Variants in BNC2 observed in about 807,000 individuals in gnomAD.
BNC2 encodes the protein zinc finger protein basonuclin-2.
A neutral mutation model predicts 76.3 loss-of-function variants in BNC2; 20 were observed. The observed-to-expected ratio is 0.26, with a 90% CI of 0.18 to 0.38. The LOEUF (loss-of-function observed/expected upper bound fraction) is 0.38. BNC2 is among the 10% of genes least tolerant of loss of function. The probability of loss-of-function intolerance (pLI) is 1.00; values close to 1 mark genes in which losing one functional copy is unlikely to be tolerated. For synonymous variants in BNC2, 582 were observed against 514.8 expected, an observed-to-expected ratio of 1.13 and a Z score of -1.77; for missense variants, 1,382 against 1,399.8, an observed-to-expected ratio of 0.99 and a Z score of 0.20.
chr9:16,740,234 G>A (rs896133739), intron 1 of BNC2, among the ~76,000 whole-genome samples: 11 of 152,176 alleles, frequency 7.2e-5, no homozygotes, highest in African/African-American at 2.7e-4. Context: ...GAAATAGTAA[G>A]TAGAAGCAAA....
At chr9:16,688,671 A>G (rs1823052159) in intron 3 of BNC2, among the ~76,000 whole-genome samples, 1 of 152,256 alleles carries the variant, frequency 6.6e-6, no homozygotes, top group African/African-American at 2.4e-5. Context: ...TTGCTTTAAA[A>G]GTAATAAAAT....
chr9:16,773,298 A>T (rs376350664), intron 1 of BNC2, among the ~76,000 whole-genome samples: 16 of 152,192 alleles, frequency 1.1e-4, no homozygotes, highest in African/African-American at 3.6e-4. Flanking sequence ...TGCAATATCA[A>T]TGAAAGGATT....
chr9:16,662,340 G>A (rs1204367315), intron 3 of BNC2, among the ~76,000 whole-genome samples: 2 of 152,080 alleles, frequency 1.3e-5, no homozygotes, highest in Admixed American at 6.5e-5. Context: ...ACACCACATC[G>A]CCAATACTTT....
At chr9:16,761,208 A>C (rs1434295030) in intron 1 of BNC2, among the ~76,000 whole-genome samples, 1 of 152,200 alleles carries the variant, frequency 6.6e-6, no homozygotes, top group African/African-American at 2.4e-5. Context: ...TGATTGTGCC[A>C]CTGCACTCCA....
chr9:16,427,225 C>T (rs767449188), intron 6 of BNC2, among the ~76,000 whole-genome samples: 2 of 152,206 alleles, frequency 1.3e-5, no homozygotes, highest in Non-Finnish European at 2.9e-5. Flanking sequence ...ATTCTCAATG[C>T]AAACTGCCAC....
intron 6 of BNC2, among the ~76,000 whole-genome samples, chr9:16,425,090 T>C (rs1383353023): frequency 6.6e-6 from 1 of 152,158 alleles, no homozygotes; most frequent in African/African-American, 2.4e-5. Context: ...AGGAAGTACA[T>C]ATTAAATGCA....
At chr9:16,761,184 G>A (rs979161412) in intron 1 of BNC2, among the ~76,000 whole-genome samples, 1 of 152,112 alleles carries the variant, frequency 6.6e-6, no homozygotes, top group Non-Finnish European at 1.5e-5. Flanking sequence ...GGAGGTTAAG[G>A]TTGCAGTGAG....
At chr9:16,732,265 G>T (rs942236641) in intron 2 of BNC2, among the ~76,000 whole-genome samples, 1 of 151,958 alleles carries the variant, frequency 6.6e-6, no homozygotes, top group Non-Finnish European at 1.5e-5. Context: ...TGTTTTGCAT[G>T]TATGTTTGTA....
intron 5 of BNC2, among the ~76,000 whole-genome samples, chr9:16,472,585 C>T (rs1785477297): frequency 6.6e-6 from 1 of 152,182 alleles, no homozygotes; most frequent in Non-Finnish European, 1.5e-5. Context: ...AGTCCTAAAC[C>T]AGCCTCTTAG....
chr9:16,856,430 C>T (rs558287344), intron 1 of BNC2, among the ~76,000 whole-genome samples: 57 of 152,190 alleles, frequency 3.7e-4, no homozygotes, highest in South Asian at 2.1e-4. Flanking sequence ...ATTCTTGAAG[C>T]GAAAATATTT....
chr9:16,699,207 T>G (rs1477136972), intron 3 of BNC2: 1 of 471,070 alleles, frequency 2.1e-6, no homozygotes. Context: ...CTACAAACTG[T>G]CATCCCCACT....
At chr9:16,528,611 A>G (rs915635946) in intron 5 of BNC2, among the ~76,000 whole-genome samples, 2 of 152,224 alleles carry the variant, frequency 1.3e-5, no homozygotes, top group Admixed American at 6.5e-5. Flanking sequence ...AGAAGTACCT[A>G]CATAATGACC....
chr9:16,764,181 T>G (rs1825628870), intron 1 of BNC2, among the ~76,000 whole-genome samples: 1 of 152,232 alleles, frequency 6.6e-6, no homozygotes, highest in Non-Finnish European at 1.5e-5. Context: ...TCACTGCCAG[T>G]AATTGCTTCC....
chr9:16,689,724 A>C (rs1356808306), intron 3 of BNC2, among the ~76,000 whole-genome samples: 1 of 152,208 alleles, frequency 6.6e-6, no homozygotes, highest in African/African-American at 2.4e-5. Context: ...GCTAGGTACA[A>C]GCACTGCCGG....
intron 4 of BNC2, 121 bp from the exon 5 acceptor site, chr9:16,552,886 G>T: frequency 2.6e-6 from 2 of 767,342 alleles, no homozygotes; most frequent in Non-Finnish European, 4.5e-6. Context: ...ATGAATGTTC[G>T]CCATAGGTGT....
intron 6 of BNC2, among the ~76,000 whole-genome samples, chr9:16,431,143 G>A (rs1820900420): frequency 6.6e-6 from 1 of 152,126 alleles, no homozygotes; most frequent in Admixed American, 6.6e-5. Context: ...TAGTTTCTGA[G>A]TACAAAGTCT....
intron 1 of BNC2, among the ~76,000 whole-genome samples, chr9:16,769,482 G>A (rs1012385689): frequency 2.0e-5 from 3 of 152,322 alleles, no homozygotes; most frequent in Non-Finnish European, 4.4e-5. Flanking sequence ...TGGGGGTCAC[G>A]TGACAGGACC....
At chr9:16,690,106 G>A (rs1433102849) in intron 3 of BNC2, among the ~76,000 whole-genome samples, 1 of 152,056 alleles carries the variant, frequency 6.6e-6, no homozygotes. Flanking sequence ...TCTACCATGG[G>A]ACCCCAGACT....
intron 5 of BNC2, among the ~76,000 whole-genome samples, chr9:16,530,704 C>A (rs528231963): frequency 6.6e-6 from 1 of 152,264 alleles, no homozygotes; most frequent in African/African-American, 2.4e-5. Flanking sequence ...CACCACAAAC[C>A]ATGGTATATG....
Sources: allele counts gnomAD v4.1 joint callset (sites outside exome capture counted in the v4.1 genomes callset), GRCh38; gene constraint gnomAD v4.1.1; transcripts MANE v1.5; gene names NCBI Gene and HGNC (gene_info 2026-07-23, HGNC 2026-07-21).